BCR: variants seen among roughly 807,000 people sequenced by gnomAD.
The protein encoded by BCR is breakpoint cluster region protein.
A neutral mutation model predicts 138.6 loss-of-function variants in BCR; 58 were observed. That is an observed-to-expected ratio of 0.42 (90% confidence interval 0.34 to 0.52). The LOEUF (loss-of-function observed/expected upper bound fraction) is 0.52. Ranked by LOEUF, BCR falls within the 20% of genes least tolerant of loss-of-function variation. The pLI is 0.06. For synonymous variants in BCR, 786 were observed against 730.1 expected (o/e 1.08, Z -1.23); for missense variants, 1,599 against 1,727.2 (o/e 0.93, Z 1.32).
Position 23,295,132 on chromosome 22 carries a change from C to T in BCR, c.2989C>T (p.Leu997Phe). ...PKEDGESTDR[L>F]MGKGQVQLDP... ...GGAGGACGGCGAGAGCACGGACAGA[C>T]TCATGGGGAAGGGCCAGGTCCAGGT... Residue 997 changes from leucine to phenylalanine, a missense_variant, in exon 16 of 23, where the codon CTC becomes TTC. Leu to Phe is a conservative substitution (Grantham distance 22). Coordinates refer to ENST00000305877, the MANE Select transcript of BCR (RefSeq NM_004327.4). The T allele has an allele frequency of 6.2e-7, 1 of 1,614,086 alleles. No individual in the cohort carries two copies.
chr22:23,315,477 C>T lies in BCR; in HGVS notation c.3771C>T (p.Ala1257=), dbSNP rs73152683. The change falls in exon 23 of 23, where the codon GCC becomes GCT. Residue 1257 remains alanine (A), a synonymous_variant. Transcript: ENST00000305877. ...TCCTGCAGCTGGAGGCCATCCCTGC[C>T]CCGGACAGCAAGAGACAGAGCATCC... ...LYFLQLEAIP[A]PDSKRQSILF... The T allele has an allele frequency of 4.5e-3, 7,338 of 1,613,066 alleles. 26 individuals are homozygous for T. Among genetic ancestry groups the T allele is most frequent in the Non-Finnish European group, 5.6e-3 (6,611 of 1,180,012 alleles).
rs2073527840 is a variant in BCR at position 23,273,064 on chromosome 22, C to T, written c.1922-17C>T. On this transcript the variant is annotated splice_polypyrimidine_tract_variant and intron_variant, in intron 6 of 22. Coordinates refer to ENST00000305877, the MANE Select transcript of BCR (RefSeq NM_004327.4). ...TCTCCATGTGCAACCTCTCTCACCTCCCCTCTCTCTCCACAGCTCTGCTCT... is the reference window on the plus strand; with the variant it reads ...TCTCCATGTGCAACCTCTCTCACCTTCCCTCTCTCTCCACAGCTCTGCTCT... 2 of 1,611,486 alleles carry T rather than the reference C, an allele frequency of 1.2e-6. No homozygotes were observed. Among genetic ancestry groups the T allele is most frequent in the East Asian group, 4.5e-5 (2 of 44,782 alleles).
At chr22:23,287,838 A>T (rs1337273327) in intron 11 of BCR, among the ~76,000 whole-genome samples, 1 of 152,114 alleles carries the variant, frequency 6.6e-6, no homozygotes, top group Non-Finnish European at 1.5e-5. Flanking sequence ...CCATGTCCCT[A>T]AGCTGTGCCC....
chr22:23,289,516 G>A lies in BCR; in HGVS notation c.2603-1G>A. On this transcript the variant is annotated splice_acceptor_variant, in intron 12 of 22. Transcript: ENST00000305877. LOFTEE classifies it high-confidence loss of function. ...GGTGCACCTCTTTTCCAACCTCCCA[G>A]GTTTCAGAAGCTTCTCCCTGACATC... The A allele has an allele frequency of 6.2e-7, 1 of 1,613,824 alleles. No homozygotes were observed. The highest frequency in any genetic ancestry group is 8.5e-7 in the Non-Finnish European group (1 of 1,179,692).
chr22:23,252,427 C>CTTTTT lies in BCR; in HGVS notation c.1280-1368_1280-1367insTTTTT, dbSNP rs371986661. On this transcript the variant is annotated intron_variant, in intron 1 of 22. Transcript: ENST00000305877. ...TTGGGTTTCCCTTTCTTTTTCTTTT[C>CTTTTT]TTTTCTTTTTTTTTTTTTTTTGAGA... Among the ~76,000 whole-genome samples the CTTTTT allele has an allele frequency of 2.8e-3, 331 of 119,406 alleles. 19 individuals carry two copies. Among genetic ancestry groups the CTTTTT allele is most frequent in the African/African-American group, 6.0e-3 (171 of 28,446 alleles). 78.3% of individuals were successfully genotyped at this position (119,406 alleles called of 152,430 possible).
At position 23,287,205 on chromosome 22, in the gene BCR, TGTC is replaced by T; in HGVS notation, c.2455_2457del (p.Ser819del). The stretch of plus-strand genomic sequence containing the variant: ...GCTACGGAGAGGCTGAAGAAGAAGC[TGTC>T]GGAGCAGGAGTCACTGCTGCTGCTT... On this transcript the variant is annotated inframe_deletion, in exon 11 of 23. Coordinates refer to ENST00000305877, the MANE Select transcript of BCR (RefSeq NM_004327.4). 6.4e-7 allele frequency: 1 copy of T among 1,569,514 alleles called. No homozygotes were observed. The highest frequency in any genetic ancestry group is 8.6e-7 in the Non-Finnish European group (1 of 1,156,530).
chr22:23,263,122 G>T, intron 4 of BCR: 2 of 709,282 alleles, frequency 2.8e-6, no homozygotes, highest in Non-Finnish European at 4.6e-6. Flanking sequence ...TACATCCCGG[G>T]GACAGGGGCG....
rs895426414 is a variant in BCR at position 23,181,641 on chromosome 22, C to T, written c.681C>T (p.Ser227=). ...CGGGCTCGAGCGTGGGGGATGCATC[C>T]AGGCCCCCTTACCGGGGACGCTCCT... is the stretch of plus-strand genomic sequence containing the variant. ...HGAGSSVGDA[S]RPPYRGRSSE... The change falls in exon 1 of 23, where the codon TCC becomes TCT. Residue 227 remains serine (S), a synonymous_variant. Coordinates refer to ENST00000305877, the MANE Select transcript of BCR (RefSeq NM_004327.4). 1.9e-6 allele frequency: 3 copies of T among 1,610,066 alleles called. No individual in the cohort carries two copies. The East Asian group carries it at 6.7e-5, about 36-fold the overall frequency.
intron 16 of BCR, among the ~76,000 whole-genome samples, chr22:23,308,565 A>G (rs2073973127): frequency 6.6e-6 from 1 of 152,142 alleles, no homozygotes; most frequent in South Asian, 2.1e-4. Flanking sequence ...TCAGCCTCTC[A>G]AAGTGCTGGG....
rs539916058 is a variant in BCR at position 23,181,281 on chromosome 22, G to A, written c.321G>A (p.Pro107=). 57 of 1,295,398 alleles carry A rather than the reference G, an allele frequency of 4.4e-5. 1 individual carries two copies. In the South Asian group the frequency reaches 1.1e-3, roughly 26 times the overall value. 80.2% of individuals were successfully genotyped at this position (1,295,398 alleles called of 1,614,324 possible). Residue 107 remains proline (P), a synonymous_variant, in exon 1 of 23, where the codon CCG becomes CCA. Coordinates refer to ENST00000305877, the MANE Select transcript of BCR (RefSeq NM_004327.4). ...PQPAPADGAD[P]PPAEEPEARP... is the part of the protein sequence containing the mutation. ...CAGCGCCCGCCGACGGAGCCGACCC[G>A]CCGCCCGCCGAGGAGCCCGAGGCCC...
At chr22:23,234,628 A>G (rs1031251328) in intron 1 of BCR, among the ~76,000 whole-genome samples, 1 of 152,164 alleles carries the variant, frequency 6.6e-6, no homozygotes, top group African/African-American at 2.4e-5. Context: ...TGGGCTGTGA[A>G]GAACTGGGAG....
intron 1 of BCR, among the ~76,000 whole-genome samples, chr22:23,240,863 C>A (rs2073082067): frequency 2.0e-5 from 3 of 152,130 alleles, no homozygotes; most frequent in Admixed American, 2.0e-4. Flanking sequence ...ACCTCACAAC[C>A]CCCTTTCTAC....
At chr22:23,312,038 A>C (rs1487093031) in intron 19 of BCR, 1 of 1,034,962 alleles carries the variant, frequency 9.7e-7, no homozygotes, top group Non-Finnish European at 1.4e-6. Flanking sequence ...CATCCTAGCC[A>C]TGCATGCCAC....
At chr22:23,252,276 T>C (rs547107161) in intron 1 of BCR, among the ~76,000 whole-genome samples, 1 of 152,124 alleles carries the variant, frequency 6.6e-6, no homozygotes, top group East Asian at 1.9e-4. Context: ...GACTCGCTGC[T>C]CATGGTGGAC....
At chr22:23,309,242 T>C (rs1476814148) in intron 16 of BCR, among the ~76,000 whole-genome samples, 182 bp from the exon 17 acceptor site, 1 of 152,100 alleles carries the variant, frequency 6.6e-6, no homozygotes, top group African/African-American at 2.4e-5. Flanking sequence ...GGCCCTGGGT[T>C]CCAGGGGTGT....
intron 1 of BCR, among the ~76,000 whole-genome samples, chr22:23,214,823 C>G (rs1393465707): frequency 6.6e-6 from 1 of 152,160 alleles, no homozygotes; most frequent in African/African-American, 2.4e-5. Flanking sequence ...ATGAACTATA[C>G]ATAATGTAAA....
At chr22:23,271,001 G>C (rs2073503555) in intron 5 of BCR, among the ~76,000 whole-genome samples, 1 of 152,232 alleles carries the variant, frequency 6.6e-6, no homozygotes, top group Non-Finnish European at 1.5e-5. Flanking sequence ...CCAAAGATGG[G>C]TGCTCTTCGG....
intron 1 of BCR, among the ~76,000 whole-genome samples, chr22:23,186,835 TC>T (rs975245822): frequency 1.2e-4 from 18 of 152,286 alleles, no homozygotes; most frequent in Non-Finnish European, 1.6e-4. Context: ...CTTCAGGAGT[TC>T]AGGATTCTCC....
intron 12 of BCR, among the ~76,000 whole-genome samples, chr22:23,288,625 G>A (rs2073746149): frequency 6.6e-6 from 1 of 152,078 alleles, no homozygotes. Context: ...CCCTGCCCCA[G>A]CAGGTGCTGA....
Sources: gnomAD v4.1 joint callset for allele counts (sites outside exome capture counted in the v4.1 genomes callset) on GRCh38, gnomAD v4.1.1 for gene constraint, MANE v1.5 for transcripts, NCBI Gene and HGNC (gene_info 2026-07-23, HGNC 2026-07-21) for gene names.